The following RP1 variants were observed in gnomAD, a reference collection of about 807,000 sequenced individuals.
RP1 encodes the protein RP1 axonemal microtubule associated, also known as oxygen-regulated protein 1.
RP1 carries 16 observed loss-of-function variants against 14.8 expected under a neutral mutation model. That is an observed-to-expected ratio of 1.08 (90% CI 0.73 to 1.65). The LOEUF (loss-of-function observed/expected upper bound fraction) is 1.65. Among genes scored for constraint, RP1 ranks in the 40% most tolerant of loss-of-function variants. The probability of loss-of-function intolerance (pLI) is 0.00; values close to 1 mark genes in which losing one functional copy is unlikely to be tolerated. For missense variants in RP1, 2,631 were observed against 2,535.0 expected (o/e 1.04, Z -0.81); for synonymous variants, 876 against 883.6 (o/e 0.99, Z 0.15).
intron 25 of RP1, among the ~76,000 whole-genome samples, chr8:54,838,663 G>A (rs1343386910): frequency 6.6e-6 from 1 of 152,178 alleles, no homozygotes; most frequent in African/African-American, 2.4e-5. Flanking sequence ...GTGTATACGT[G>A]TGTGTGCATA....
chr8:54,849,651 G>T (rs1812012680), intron 25 of RP1, among the ~76,000 whole-genome samples: 2 of 152,164 alleles, frequency 1.3e-5, no homozygotes, highest in African/African-American at 4.8e-5. Flanking sequence ...CTACAAAGAT[G>T]TTTGAAAATA....
At chr8:54,854,007 GA>G (rs1433684036) in intron 26 of RP1, among the ~76,000 whole-genome samples, 3 of 151,718 alleles carry the variant, frequency 2.0e-5, no homozygotes, top group Non-Finnish European at 4.4e-5. Context: ...GAAAAGAAAA[GA>G]AATGAAGGAA....
chr8:54,776,207 A>G (rs1435258370), intron 23 of RP1, among the ~76,000 whole-genome samples: 30 of 152,076 alleles, frequency 2.0e-4, no homozygotes, highest in Admixed American at 2.0e-3. Flanking sequence ...TTGTTTGGTT[A>G]GTTTATTTTT....
At chr8:54,837,036 A>G (rs1585734519) in intron 24 of RP1, among the ~76,000 whole-genome samples, 1 of 152,200 alleles carries the variant, frequency 6.6e-6, no homozygotes, top group Admixed American at 6.5e-5. Flanking sequence ...ACCCTAGTTT[A>G]AATCTAGGTG....
At chr8:54,815,381 C>A (rs958689434) in intron 24 of RP1, among the ~76,000 whole-genome samples, 1 of 152,082 alleles carries the variant, frequency 6.6e-6, no homozygotes, top group Non-Finnish European at 1.5e-5. Context: ...AAATGAAATA[C>A]CAAAATAATC....
chr8:54,658,437 G>A (rs1233708418), intron 6 of RP1, among the ~76,000 whole-genome samples: 2 of 149,014 alleles, frequency 1.3e-5, no homozygotes, highest in East Asian at 2.0e-4. Flanking sequence ...TGTAGTCCCA[G>A]CTACTTGGGA....
intron 24 of RP1, among the ~76,000 whole-genome samples, chr8:54,819,243 A>C (rs561791199): frequency 1.5e-4 from 22 of 151,678 alleles, no homozygotes; most frequent in Non-Finnish European, 3.1e-4. Flanking sequence ...TCAGCTGTTG[A>C]GAGACTCTGA....
chr8:54,770,109 T>A, downstream of RP1: 1 of 401,126 alleles, frequency 2.5e-6, no homozygotes, highest in Non-Finnish European at 4.4e-6. Flanking sequence ...TGCACTTCAC[T>A]TTTATTTTTG....
chr8:54,699,977 G>T (rs574323023), intron 13 of RP1, among the ~76,000 whole-genome samples: 1 of 151,956 alleles, frequency 6.6e-6, no homozygotes, highest in Non-Finnish European at 1.5e-5. Context: ...TACATTGTAC[G>T]ATAACTTTAA....
At chr8:54,777,226 A>G (rs1460253587) in intron 23 of RP1, among the ~76,000 whole-genome samples, 1 of 152,206 alleles carries the variant, frequency 6.6e-6, no homozygotes, top group Non-Finnish European at 1.5e-5. Context: ...TTCACTTGTA[A>G]TGGAACCTAT....
chr8:54,747,444 C>T (rs1014281761), intron 19 of RP1, among the ~76,000 whole-genome samples: 5 of 152,104 alleles, frequency 3.3e-5, no homozygotes, highest in Admixed American at 1.3e-4. Context: ...GTTCATAGTC[C>T]GACTTCCACT....
At chr8:54,847,628 C>T (rs1342182828) in intron 25 of RP1, among the ~76,000 whole-genome samples, 1 of 152,250 alleles carries the variant, frequency 6.6e-6, no homozygotes, top group African/African-American at 2.4e-5. Flanking sequence ...GACTGGTGAA[C>T]TGTACTCGGT....
chr8:54,717,913 T>C (rs1808443829), intron 15 of RP1, among the ~76,000 whole-genome samples: 1 of 152,136 alleles, frequency 6.6e-6, no homozygotes, highest in Non-Finnish European at 1.5e-5. Flanking sequence ...GAGGCTAATA[T>C]ACAAATTTTC....
At chr8:54,858,978 G>C (rs191001149) in intron 27 of RP1, among the ~76,000 whole-genome samples, 1 of 152,146 alleles carries the variant, frequency 6.6e-6, no homozygotes, top group East Asian at 1.9e-4. Context: ...CTGTAGAGCA[G>C]TGTCACTGTA....
chr8:54,865,914 C>A, exon 28 of RP1: 1 of 1,213,028 alleles, frequency 8.2e-7, no homozygotes, highest in Non-Finnish European at 1.0e-6. Flanking sequence ...TTCTATGCAA[C>A]AGGTATGCTC....
At chr8:54,659,261 C>T (rs1806825652) in intron 6 of RP1, among the ~76,000 whole-genome samples, 1 of 152,034 alleles carries the variant, frequency 6.6e-6, no homozygotes, top group South Asian at 2.1e-4. Context: ...GTTTTTGTTG[C>T]ATGTGATTTT....
intron 27 of RP1, among the ~76,000 whole-genome samples, chr8:54,860,130 T>C (rs17322542): frequency 0.039 from 5,925 of 152,268 alleles, 146 homozygotes; most frequent in African/African-American, 0.058. Context: ...TAGCCAAGGT[T>C]GTTTGATACA....
At chr8:54,570,561 C>T (rs894139209) in intron 1 of RP1, among the ~76,000 whole-genome samples, 2 of 151,782 alleles carry the variant, frequency 1.3e-5, no homozygotes, top group Non-Finnish European at 2.9e-5. Flanking sequence ...CTCCTGACCT[C>T]TGGTGATCTG....
chr8:54,838,489 G>C (rs921891734), intron 25 of RP1, among the ~76,000 whole-genome samples: 1 of 152,164 alleles, frequency 6.6e-6, no homozygotes. Context: ...GAGTGTTTGA[G>C]TGTATGTGCA....
Sources: allele counts gnomAD v4.1 joint callset (sites outside exome capture counted in the v4.1 genomes callset), GRCh38; gene constraint gnomAD v4.1.1; transcripts MANE v1.5; gene names NCBI Gene and HGNC (gene_info 2026-07-23, HGNC 2026-07-21).